The following SIL1 variants were observed in gnomAD, a reference collection of about 807,000 sequenced individuals.
The protein encoded by SIL1 is nucleotide exchange factor SIL1.
A neutral mutation model predicts 49.1 loss-of-function variants in SIL1; 40 were observed. That is an observed-to-expected ratio of 0.81 (90% CI 0.63 to 1.06). The LOEUF (loss-of-function observed/expected upper bound fraction) is 1.06, where lower values mean the gene tolerates loss of function less well. Ranked by LOEUF, SIL1 falls within the 50% of genes least tolerant of loss-of-function variation. The pLI, the probability that SIL1 is intolerant of heterozygous loss-of-function variation, is 0.00. For synonymous variants in SIL1, 253 were observed against 250.8 expected, an observed-to-expected ratio of 1.01 and a Z score of -0.08; for missense variants, 500 against 572.6, an observed-to-expected ratio of 0.87 and a Z score of 1.29.
At chr5:138,982,216 A>G (rs201623813) in intron 7 of SIL1, among the ~76,000 whole-genome samples, 1 of 152,368 alleles carries the variant, frequency 6.6e-6, no homozygotes, top group East Asian at 1.9e-4. Flanking sequence ...GTTGAAATTC[A>G]GTAAACTTTT....
chr5:139,025,094 C>T (rs1768614731), intron 6 of SIL1, among the ~76,000 whole-genome samples: 1 of 152,210 alleles, frequency 6.6e-6, no homozygotes, highest in African/African-American at 2.4e-5. Flanking sequence ...CTATCTGCTT[C>T]TGCTAGAAGG....
At chr5:138,983,916 G>C (rs1767590926) in intron 7 of SIL1, among the ~76,000 whole-genome samples, 1 of 152,164 alleles carries the variant, frequency 6.6e-6, no homozygotes, top group African/African-American at 2.4e-5. Flanking sequence ...ACAGCTCTGG[G>C]CATCAGGCAG....
At position 139,042,678 on chromosome 5, in the gene SIL1, T is replaced by C. The variant is rs1769072461; in HGVS notation, c.395A>G (p.Lys132Arg). The C allele has an allele frequency of 1.9e-6, 3 of 1,614,158 alleles. No homozygotes were observed. Among genetic ancestry groups the C allele is most frequent in the African/African-American group, 1.3e-5 (1 of 75,024 alleles). Residue 132 changes from lysine to arginine, a missense_variant, in exon 5 of 10, where the codon AAG (lysine) becomes AGG (arginine). Coordinates refer to ENST00000394817, the MANE Select transcript of SIL1 (RefSeq NM_022464.5). Reference protein sequence around the residue: ...NTNTYTSQDLKSALAKFKEGA... With the variant: ...NTNTYTSQDLRSALAKFKEGA... ...CTCCTTGAATTTTGCCAGTGCACTCTTGAGATCCTGAGATGTGTAGGTGTT... is the reference window on the plus strand; with the variant it reads ...CTCCTTGAATTTTGCCAGTGCACTCCTGAGATCCTGAGATGTGTAGGTGTT...
intron 1 of SIL1, among the ~76,000 whole-genome samples, chr5:139,161,919 G>A (rs1329555983): frequency 1.3e-5 from 2 of 151,960 alleles, no homozygotes; most frequent in African/African-American, 2.4e-5. Flanking sequence ...AGGCTGAGGT[G>A]GGAGGATCAT....
Position 138,947,422 on chromosome 5 carries a change from G to C in SIL1, c.1081C>G (p.Leu361Val). Residue 361 changes from leucine to valine, a missense_variant, in exon 10 of 10, where the codon CTG (leucine) becomes GTG (valine). Physicochemically the swap from Leu to Val is conservative, Grantham distance 32 (BLOSUM62 1). Coordinates refer to ENST00000394817, the MANE Select transcript of SIL1 (RefSeq NM_022464.5). The surrounding 1 kb of genome is among the most constrained non-coding windows in gnomAD (Gnocchi z 4.1). ...AGGTGTACCTGGCGATACTGCTGCA[G>C]CTTCTCTGGGGACATCTCCTGGGTC... The part of the protein sequence containing the change: ...ELTQEMSPEK[L>V]QQYRQVHLLP... 6.2e-7 allele frequency: 1 copy of C among 1,613,620 alleles called. No individual in the cohort carries two copies. Among genetic ancestry groups the C allele is most frequent in the Non-Finnish European group, 8.5e-7 (1 of 1,180,036 alleles).
At chr5:139,110,062 A>C (rs1770809063) in intron 3 of SIL1, among the ~76,000 whole-genome samples, 1 of 151,866 alleles carries the variant, frequency 6.6e-6, no homozygotes, top group South Asian at 2.1e-4. Context: ...CTAGCTACTC[A>C]GGAGGCTGAG....
rs551532748 is a variant in SIL1, at chr5:139,149,569, CA to C, written c.-10-21717del. On this transcript the variant is annotated intron_variant, in intron 1 of 9. Transcript: ENST00000394817. ...AACAGATACCAGATGGGAAAATCGGCAATTACAGCAAACACTGAGTTGAAAA... is the reference window on the plus strand; with the variant it reads ...AACAGATACCAGATGGGAAAATCGGCATTACAGCAAACACTGAGTTGAAAA... Among the ~76,000 whole-genome samples, 508 of 152,262 alleles carry C rather than the reference CA, an allele frequency of 3.3e-3. 6 individuals are homozygous for C. Among genetic ancestry groups the C allele is most frequent in the Non-Finnish European group, 3.1e-3 (211 of 68,028 alleles).
At chr5:139,151,122 G>A (rs1754369973) in intron 1 of SIL1, among the ~76,000 whole-genome samples, 2 of 152,130 alleles carry the variant, frequency 1.3e-5, no homozygotes, top group Admixed American at 1.3e-4. Context: ...ATGCCTCCCA[G>A]CCTCAACTCA....
At chr5:139,120,480 G>T (rs1002151752) in intron 3 of SIL1, among the ~76,000 whole-genome samples, 1 of 152,196 alleles carries the variant, frequency 6.6e-6, no homozygotes, top group Non-Finnish European at 1.5e-5. Context: ...ATATGGTGAA[G>T]ACTCTGCAAT....
At chr5:139,091,645 A>G (rs1168005121) in intron 3 of SIL1, among the ~76,000 whole-genome samples, 2 of 152,240 alleles carry the variant, frequency 1.3e-5, no homozygotes, top group Non-Finnish European at 2.9e-5. Flanking sequence ...CCTCTGACCC[A>G]GAAGTCTGAC....
chr5:138,971,796 C>A (rs1767285384), intron 7 of SIL1, among the ~76,000 whole-genome samples: 2 of 152,194 alleles, frequency 1.3e-5, no homozygotes, highest in Admixed American at 6.5e-5. Flanking sequence ...TTGCTCAATG[C>A]CTAGCACAAA....
At chr5:139,189,915 T>C (rs1009311429) in intron 1 of SIL1, among the ~76,000 whole-genome samples, 4 of 152,044 alleles carry the variant, frequency 2.6e-5, no homozygotes, top group African/African-American at 9.7e-5. Flanking sequence ...CATGGAAAAA[T>C]AGTCTTCCAT....
In SIL1 at chr5:138,948,197, A is replaced by G. The variant is rs1294314287; in HGVS notation, c.1030-724T>C. 6.6e-6 allele frequency among the ~76,000 whole-genome samples: 1 copy of G among 152,218 alleles called. No homozygotes were observed. The highest frequency in any genetic ancestry group is 1.5e-5 in the Non-Finnish European group (1 of 68,026). On this transcript the variant is annotated intron_variant, in intron 9 of 9. Coordinates refer to ENST00000394817, the MANE Select transcript of SIL1 (RefSeq NM_022464.5). This position sits in a 1 kb window ranked among gnomAD's most constrained non-coding sequence, Gnocchi z 4.8. Reference sequence around the variant, plus strand: ...GAAGCCCAGGAGAAGAGGAGGCCACAGTGGACCACCTGTGCTTCCTGCGGC... The same window carrying G: ...GAAGCCCAGGAGAAGAGGAGGCCACGGTGGACCACCTGTGCTTCCTGCGGC...
At chr5:139,196,756 T>C (rs1348563854) in intron 1 of SIL1, among the ~76,000 whole-genome samples, 2 of 152,186 alleles carry the variant, frequency 1.3e-5, no homozygotes, top group Non-Finnish European at 2.9e-5. Context: ...TAACACCATC[T>C]TAAAAACCCG....
intron 1 of SIL1, among the ~76,000 whole-genome samples, chr5:139,166,822 T>C (rs2151813080): frequency 6.6e-6 from 1 of 152,116 alleles, no homozygotes; most frequent in South Asian, 2.1e-4. Flanking sequence ...GTTTTTGTTT[T>C]TTTTGAGACA....
intron 7 of SIL1, among the ~76,000 whole-genome samples, chr5:138,954,719 C>A (rs576850488): frequency 1.7e-3 from 252 of 152,362 alleles, no homozygotes; most frequent in Middle Eastern, 6.8e-3. Flanking sequence ...TGCTCACAGC[C>A]TGGGGCTGGG....
chr5:138,987,391 A>G (rs1767669680), intron 7 of SIL1, among the ~76,000 whole-genome samples: 1 of 152,004 alleles, frequency 6.6e-6, no homozygotes, highest in Non-Finnish European at 1.5e-5. Flanking sequence ...GGATTGCATT[A>G]TTAAAAAAAA....
intron 1 of SIL1, among the ~76,000 whole-genome samples, chr5:139,147,808 T>C (rs754917295): frequency 2.0e-5 from 3 of 152,246 alleles, no homozygotes; most frequent in Non-Finnish European, 2.9e-5. Context: ...AATCACACTT[T>C]AAATATCCCC....
intron 7 of SIL1, among the ~76,000 whole-genome samples, chr5:139,014,439 A>C (rs1278584463): frequency 6.6e-6 from 1 of 152,162 alleles, no homozygotes; most frequent in Non-Finnish European, 1.5e-5. Context: ...TAAAACAAAG[A>C]ACTTTGTGTG....
Sources: allele counts gnomAD v4.1 joint callset (sites outside exome capture counted in the v4.1 genomes callset), GRCh38; gene constraint gnomAD v4.1.1; non-coding constraint Gnocchi (gnomAD v3.1); transcripts MANE v1.5; gene names NCBI Gene and HGNC (gene_info 2026-07-23, HGNC 2026-07-21).